Variants in MTM1 observed in about 807,000 individuals in gnomAD.
MTM1 encodes the protein myotubularin.
In MTM1, 9 loss-of-function variants were observed where a neutral mutation model predicts 52.1. The observed-to-expected ratio is 0.17, with a 90% CI of 0.10 to 0.30. The LOEUF is 0.30. Among genes scored for constraint, MTM1 ranks in the 10% least tolerant of loss-of-function variants. MTM1 has a pLI of 1.00. For missense variants in MTM1, 277 were observed against 470.7 expected, an observed-to-expected ratio of 0.59 and a Z score of 3.81; for synonymous variants, 136 against 163.8, an observed-to-expected ratio of 0.83 and a Z score of 1.29.
rs140910873 is a variant in MTM1 at position 150,625,507 on chromosome X, T to A, written c.444+6368T>A. On this transcript the variant is annotated intron_variant, in intron 6 of 14. Transcript: ENST00000370396. ...CATTGGTTGTACCTTGAGAAAAGAC[T>A]CTTTGAAAGTCAGAGCATAATATCC... Among the ~76,000 whole-genome samples the A allele has an allele frequency of 6.0e-3, 668 of 112,008 alleles. 6 individuals are homozygous for A. The highest frequency in any genetic ancestry group is 0.021 in the African/African-American group (642 of 30,773).
chrX:150,667,578 G>C (rs1245155864), intron 14 of MTM1, among the ~76,000 whole-genome samples: 1 of 111,974 alleles, frequency 8.9e-6, no homozygotes, highest in Non-Finnish European at 1.9e-5. Flanking sequence ...TGAATTTTAA[G>C]AGAAAAATGG....
In MTM1 at chrX:150,600,444, C is replaced by T. The variant is rs782651776; in HGVS notation, c.231+1758C>T. On this transcript the variant is annotated intron_variant, in intron 4 of 14. Transcript: ENST00000370396. ...TTAATATTCCCCTAGGCTGAGTTAA[C>T]AGAAGTATAACATAATTGCCAGACA... is the stretch of plus-strand genomic sequence containing the variant. Among the ~76,000 whole-genome samples the T allele has an allele frequency of 3.5e-4, 39 of 112,103 alleles. No homozygotes were observed. The South Asian group carries it at 0.013, about 38-fold the overall frequency.
At chrX:150,583,817 TAAA>T (rs2038712005) in intron 1 of MTM1, among the ~76,000 whole-genome samples, 1 of 50,946 alleles carries the variant, frequency 2.0e-5, no homozygotes, top group Admixed American at 4.3e-4. Context: ...ATATATATAT[TAAA>T]TATACAAAAT....
At chrX:150,568,894 C>T (rs1036050366) in intron 1 of MTM1, among the ~76,000 whole-genome samples, 16 of 112,913 alleles carry the variant, frequency 1.4e-4, no homozygotes, top group Admixed American at 2.8e-4. Context: ...CCGTTCTCCC[C>T]GCCCAAGGTG....
intron 4 of MTM1, among the ~76,000 whole-genome samples, chrX:150,608,899 G>A (rs1292141569): frequency 2.7e-5 from 3 of 109,521 alleles, no homozygotes; most frequent in Non-Finnish European, 5.7e-5. Context: ...GTGTGATCTC[G>A]GCTCACTGCA....
At chrX:150,566,029 C>T (rs2148387996), upstream of MTM1, among the ~76,000 whole-genome samples, 1 of 110,778 alleles carries the variant, frequency 9.0e-6, no homozygotes, top group East Asian at 2.8e-4. Context: ...CACACACACA[C>T]ACACTGAAAT....
intron 13 of MTM1, among the ~76,000 whole-genome samples, chrX:150,662,528 T>C (rs1299462321): frequency 1.8e-5 from 2 of 110,945 alleles, no homozygotes; most frequent in African/African-American, 6.6e-5. Context: ...TTCACCATGT[T>C]GGCCAGGCTG....
At chrX:150,570,323 G>T (rs2038346939) in intron 1 of MTM1, among the ~76,000 whole-genome samples, 1 of 111,637 alleles carries the variant, frequency 9.0e-6, no homozygotes, top group Non-Finnish European at 1.9e-5. Context: ...AGTGAAACAG[G>T]CTGGCATGAT....
chrX:150,609,851 T>C (rs1210830190), intron 4 of MTM1, among the ~76,000 whole-genome samples: 1 of 111,529 alleles, frequency 9.0e-6, no homozygotes, highest in Non-Finnish European at 1.9e-5. Flanking sequence ...TGTAGCCCAC[T>C]TCTTGCTAGT....
chrX:150,600,821 T>C (rs899361824), intron 4 of MTM1, among the ~76,000 whole-genome samples: 2 of 112,031 alleles, frequency 1.8e-5, no homozygotes, highest in Non-Finnish European at 3.8e-5. Context: ...TTTTGCTGCT[T>C]GTACTCTTGG....
chrX:150,633,201 C>T (rs955672214), intron 6 of MTM1, among the ~76,000 whole-genome samples: 13 of 111,958 alleles, frequency 1.2e-4, no homozygotes, highest in Admixed American at 1.0e-3. Context: ...TAAATAGGTA[C>T]GTTTATATAT....
At chrX:150,583,310 TA>T (rs1409738952) in intron 1 of MTM1, among the ~76,000 whole-genome samples, 2 of 42,582 alleles carry the variant, frequency 4.7e-5, no homozygotes, top group Non-Finnish European at 7.7e-5. Flanking sequence ...ATATTATATA[TA>T]ATTATAAATA....
intron 1 of MTM1, among the ~76,000 whole-genome samples, chrX:150,580,417 T>C (rs1304846417): frequency 8.9e-6 from 1 of 112,079 alleles, no homozygotes; most frequent in Non-Finnish European, 1.9e-5. Flanking sequence ...ATAGATCTTC[T>C]CTGCGAGATT....
chrX:150,576,714 G>A (rs1295810622), intron 1 of MTM1, among the ~76,000 whole-genome samples: 1 of 111,396 alleles, frequency 9.0e-6, no homozygotes, highest in Non-Finnish European at 1.9e-5. Flanking sequence ...GAGCAAGCAC[G>A]TACATGTATT....
At chrX:150,644,186 TAATA>T (rs2039892958) in intron 8 of MTM1, among the ~76,000 whole-genome samples, 1 of 111,773 alleles carries the variant, frequency 8.9e-6, no homozygotes, top group African/African-American at 3.2e-5. Flanking sequence ...ATTTCTCAAA[TAATA>T]AATCTTTTAA....
rs1390813174 is a variant in MTM1, at chrX:150,583,828, A to T, written c.-10-8777A>T. 1.1e-4 allele frequency among the ~76,000 whole-genome samples: 6 copies of T among 52,205 alleles called. 1 individual carries two copies. Among genetic ancestry groups the T allele is most frequent in the African/African-American group, 4.2e-4 (6 of 14,334 alleles). The allele number at this position is 52,205 out of a possible 115,157, so 45.3% of individuals were successfully genotyped here. A position where few individuals can be genotyped will look rare whatever the true frequency, so the allele number is the denominator to read the frequency against. On this transcript the variant is annotated intron_variant, in intron 1 of 14. Transcript: ENST00000370396. Reference sequence around the variant, plus strand: ...TTAAATATATATATTAAATATACAAAATATATATAAATATATATCAAATAT... The same window carrying T: ...TTAAATATATATATTAAATATACAATATATATATAAATATATATCAAATAT...
At chrX:150,590,516 T>G (rs947178731) in intron 1 of MTM1, among the ~76,000 whole-genome samples, 1 of 111,570 alleles carries the variant, frequency 9.0e-6, no homozygotes, top group Non-Finnish European at 1.9e-5. Flanking sequence ...TAAAATTGAT[T>G]GTGGTGATGG....
At chrX:150,580,679 A>C (rs1026401529) in intron 1 of MTM1, among the ~76,000 whole-genome samples, 13 of 111,581 alleles carry the variant, frequency 1.2e-4, no homozygotes, top group African/African-American at 3.6e-4. Context: ...TGGAAGAAGT[A>C]ACTGCTCCAA....
chrX:150,575,706 G>A (rs73620610), intron 1 of MTM1, among the ~76,000 whole-genome samples: 177 of 112,218 alleles, frequency 1.6e-3, no homozygotes, highest in African/African-American at 5.5e-3. Context: ...GAAGGCTCTT[G>A]CTTTCAATGT....
Sources: gnomAD v4.1 joint callset for allele counts (sites outside exome capture counted in the v4.1 genomes callset) on GRCh38, gnomAD v4.1.1 for gene constraint, MANE v1.5 for transcripts, NCBI Gene and HGNC (gene_info 2026-07-23, HGNC 2026-07-21) for gene names.